The following LRFN5 variants were observed in gnomAD, a reference collection of about 807,000 sequenced individuals.
LRFN5 encodes the protein leucine rich repeat and fibronectin type III domain containing 5.
Under a neutral mutation model 45.6 loss-of-function variants are expected in LRFN5, and 24 were observed. That is an observed-to-expected ratio of 0.53 (90% CI 0.38 to 0.74). The LOEUF is 0.74. Among genes scored for constraint, LRFN5 ranks in the 30% least tolerant of loss-of-function variants. The probability of loss-of-function intolerance (pLI) is 0.00; values close to 1 mark genes in which losing one functional copy is unlikely to be tolerated. For missense variants in LRFN5, 776 were observed against 861.5 expected (o/e 0.90, Z 1.24); for synonymous variants, 340 against 313.8 (o/e 1.08, Z -0.88).
intron 1 of LRFN5, chr14:41,742,607 C>T (rs1297075564): frequency 6.6e-6 from 1 of 152,136 alleles, no homozygotes; most frequent in East Asian, 1.9e-4. Context: ...GGGAGCCAAA[C>T]TGGGTTTGGG....
chr14:41,762,966 T>C (rs753229338), intron 1 of LRFN5, among the ~76,000 whole-genome samples: 27 of 152,182 alleles, frequency 1.8e-4, no homozygotes, highest in Non-Finnish European at 3.2e-4. Flanking sequence ...GGAGAAATGA[T>C]TGGTAATGAT....
At chr14:41,860,294 T>A (rs1889615687) in intron 2 of LRFN5, among the ~76,000 whole-genome samples, 1 of 152,250 alleles carries the variant, frequency 6.6e-6, no homozygotes. Flanking sequence ...TTATTTCATT[T>A]GCTTTATTTA....
intron 1 of LRFN5, among the ~76,000 whole-genome samples, chr14:41,754,515 T>C (rs1447193697): frequency 1.3e-5 from 2 of 152,170 alleles, no homozygotes; most frequent in Non-Finnish European, 2.9e-5. Flanking sequence ...CATCGAGGAA[T>C]TTATCCATTT....
At chr14:41,757,127 C>T (rs904524079) in intron 1 of LRFN5, among the ~76,000 whole-genome samples, 41 of 152,186 alleles carry the variant, frequency 2.7e-4, no homozygotes, top group African/African-American at 8.2e-4. Context: ...AGTTTTGTCT[C>T]AGAGGAGTAC....
chr14:41,899,285 A>T (rs567955727), intron 5 of LRFN5, among the ~76,000 whole-genome samples: 1 of 152,250 alleles, frequency 6.6e-6, no homozygotes, highest in African/African-American at 2.4e-5. Flanking sequence ...ATATTTCCAA[A>T]TGTGAAGACA....
chr14:41,824,412 T>G (rs977207313), intron 2 of LRFN5, among the ~76,000 whole-genome samples: 8 of 152,154 alleles, frequency 5.3e-5, no homozygotes, highest in African/African-American at 1.9e-4. Context: ...CTGAGGCTCA[T>G]TATGAGTTCC....
At chr14:41,754,103 A>G (rs868598680) in intron 1 of LRFN5, among the ~76,000 whole-genome samples, 26 of 152,340 alleles carry the variant, frequency 1.7e-4, no homozygotes, top group African/African-American at 5.5e-4. Context: ...GTTGCATCAC[A>G]GGGATAAAAC....
chr14:41,754,465 G>A (rs1885285188), intron 1 of LRFN5, among the ~76,000 whole-genome samples: 1 of 152,120 alleles, frequency 6.6e-6, no homozygotes, highest in Non-Finnish European at 1.5e-5. Context: ...TCTATTCAGA[G>A]ATTCAACTTC....
chr14:41,817,200 G>A (rs1398131184), intron 2 of LRFN5, among the ~76,000 whole-genome samples: 1 of 151,928 alleles, frequency 6.6e-6, no homozygotes, highest in Non-Finnish European at 1.5e-5. Context: ...GTCCATTAGA[G>A]CTCTGAGCAT....
At chr14:41,894,687 A>G (rs747016119) in intron 4 of LRFN5, 2 of 985,342 alleles carry the variant, frequency 2.0e-6, no homozygotes, top group Non-Finnish European at 2.4e-6. Flanking sequence ...ATTACCTATC[A>G]TGATGTCTGA....
At chr14:41,741,957 C>G (rs1385420712) in intron 1 of LRFN5, among the ~76,000 whole-genome samples, 4 of 151,244 alleles carry the variant, frequency 2.6e-5, no homozygotes, top group Non-Finnish European at 4.4e-5. Context: ...AAATTGAAAC[C>G]ACAATGAGAT....
intron 1 of LRFN5, among the ~76,000 whole-genome samples, chr14:41,701,864 C>T (rs1882853194): frequency 1.3e-5 from 2 of 152,094 alleles, no homozygotes; most frequent in Non-Finnish European, 2.9e-5. Context: ...ATTAGCATCA[C>T]CTAGAAGCCT....
intron 2 of LRFN5, among the ~76,000 whole-genome samples, chr14:41,862,438 A>G (rs1889697680): frequency 6.6e-6 from 1 of 152,092 alleles, no homozygotes; most frequent in African/African-American, 2.4e-5. Flanking sequence ...ATATTGTTCA[A>G]TTATATTAAT....
At position 41,652,505 on chromosome 14, in the gene LRFN5, G is replaced by A. The variant is rs114752326; in HGVS notation, c.-197+43943G>A. 9.2e-3 allele frequency among the ~76,000 whole-genome samples: 1,402 copies of A among 152,140 alleles called. 21 individuals are homozygous for A. The highest frequency in any genetic ancestry group is 0.031 in the African/African-American group (1,296 of 41,526). On this transcript the variant is annotated intron_variant, in intron 1 of 5. Transcript: ENST00000298119. ...TAGAATATAGTAAATAAATGTGCAA[G>A]CCAATCAATAAAATAAGTTTAGCAT... is the stretch of plus-strand genomic sequence containing the variant.
intron 2 of LRFN5, among the ~76,000 whole-genome samples, chr14:41,838,359 C>T (rs527337352): frequency 2.2e-4 from 33 of 152,124 alleles, no homozygotes; most frequent in Non-Finnish European, 1.2e-4. Flanking sequence ...TGAAGTAGGA[C>T]TCCGTGGACT....
chr14:41,695,640 C>T lies in LRFN5; in HGVS notation c.-196-71214C>T, dbSNP rs377482309. Among the ~76,000 whole-genome samples, 15 of 151,996 alleles carry T rather than the reference C, an allele frequency of 9.9e-5. No homozygotes were observed. The South Asian group carries it at 1.7e-3, about 17-fold the overall frequency. On this transcript the variant is annotated intron_variant, in intron 1 of 5. Transcript: ENST00000298119. ...CTCTGCCTATGCTCTATAAATGGAA[C>T]GACAAAGCCTGGATTATATCACATT...
At chr14:41,744,415 CA>C (rs916961570) in intron 1 of LRFN5, among the ~76,000 whole-genome samples, 2 of 151,692 alleles carry the variant, frequency 1.3e-5, no homozygotes, top group Non-Finnish European at 2.9e-5. Flanking sequence ...CATTTCAATA[CA>C]AAAAAATTTA....
intron 2 of LRFN5, among the ~76,000 whole-genome samples, chr14:41,885,592 C>A (rs906985403): frequency 2.6e-5 from 4 of 151,892 alleles, no homozygotes; most frequent in Non-Finnish European, 5.9e-5. Context: ...CGGCTGCTTC[C>A]CAGAAATTAT....
intron 2 of LRFN5, among the ~76,000 whole-genome samples, chr14:41,871,796 A>G (rs942553996): frequency 1.3e-5 from 2 of 152,154 alleles, no homozygotes; most frequent in Non-Finnish European, 2.9e-5. Context: ...TTAATTTATT[A>G]TCTCTTATCA....
Sources: allele counts gnomAD v4.1 joint callset (sites outside exome capture counted in the v4.1 genomes callset), GRCh38; gene constraint gnomAD v4.1.1; transcripts MANE v1.5; gene names NCBI Gene and HGNC (gene_info 2026-07-23, HGNC 2026-07-21).